The following DYRK1A variants were observed in gnomAD, a reference collection of about 807,000 sequenced individuals.
DYRK1A encodes dual specificity tyrosine-phosphorylation-regulated kinase 1A.
A neutral mutation model predicts 79.7 loss-of-function variants in DYRK1A; 9 were observed. That is an observed-to-expected ratio of 0.11 (90% CI 0.07 to 0.20). The LOEUF (loss-of-function observed/expected upper bound fraction) is 0.20. DYRK1A is among the 10% of genes least tolerant of loss of function. DYRK1A has a pLI of 1.00. For missense variants in DYRK1A, 622 were observed against 956.0 expected (o/e 0.65, Z 4.61); for synonymous variants, 349 against 329.7 (o/e 1.06, Z -0.63).
intron 2 of DYRK1A, among the ~76,000 whole-genome samples, chr21:37,454,085 C>CTTTTTTTTTT (rs571859735): frequency 0.013 from 779 of 59,636 alleles, 113 homozygotes; most frequent in South Asian, 0.019. Flanking sequence ...ATGTAGTCTC[C>CTTTTTTTTTT]TTTTTTTTTT....
chr21:37,493,557 TACTC>T (rs1171367241), intron 8 of DYRK1A, among the ~76,000 whole-genome samples: 1 of 152,216 alleles, frequency 6.6e-6, no homozygotes, highest in Non-Finnish European at 1.5e-5. Flanking sequence ...GACTGATGGA[TACTC>T]AGTCTGAATA....
At chr21:37,380,739 C>T (rs1194618595) in intron 1 of DYRK1A, among the ~76,000 whole-genome samples, 1 of 151,826 alleles carries the variant, frequency 6.6e-6, no homozygotes, top group Non-Finnish European at 1.5e-5. Flanking sequence ...AAAAAAAAAC[C>T]TACACAATTA....
intron 1 of DYRK1A, among the ~76,000 whole-genome samples, chr21:37,374,416 A>T (rs752402086): frequency 2.0e-5 from 3 of 151,328 alleles, no homozygotes. Context: ...CCCTTAAACT[A>T]TGAAATATTA....
chr21:37,486,247 AAG>A (rs561639408), intron 5 of DYRK1A: 116 of 322,196 alleles, frequency 3.6e-4, no homozygotes, highest in East Asian at 1.6e-3. Flanking sequence ...CAAATGCAAA[AAG>A]AAATTCAATT....
At chr21:37,427,602 GT>G (rs975679529) in intron 2 of DYRK1A, among the ~76,000 whole-genome samples, 32 of 152,016 alleles carry the variant, frequency 2.1e-4, no homozygotes, top group African/African-American at 7.7e-4. Context: ...CGTGTTTTTT[GT>G]TTGTTTTTTA....
chr21:37,374,995 C>T (rs2049508651), intron 1 of DYRK1A: 1 of 152,234 alleles, frequency 6.6e-6, no homozygotes, highest in Non-Finnish European at 1.5e-5. Flanking sequence ...TCAGAATAAG[C>T]AGGCCTGGGA....
intron 1 of DYRK1A, among the ~76,000 whole-genome samples, chr21:37,399,669 A>T (rs1276173759): frequency 6.6e-6 from 1 of 152,178 alleles, no homozygotes; most frequent in African/African-American, 2.4e-5. Context: ...GTTGGGTTTC[A>T]CTGAGCATGA....
At chr21:37,450,615 G>A (rs1290360920) in intron 2 of DYRK1A, among the ~76,000 whole-genome samples, 1 of 152,198 alleles carries the variant, frequency 6.6e-6, no homozygotes, top group Non-Finnish European at 1.5e-5. Context: ...GATACAGTTA[G>A]GGTGAAGTGC....
At chr21:37,418,045 G>T (rs991986573) in intron 1 of DYRK1A, among the ~76,000 whole-genome samples, 3 of 152,064 alleles carry the variant, frequency 2.0e-5, no homozygotes, top group African/African-American at 4.8e-5. Context: ...GAAGAAAATC[G>T]TATCTGTAGC....
intron 11 of DYRK1A, 199 bp downstream of exon 11, chr21:37,506,422 C>A (rs1349744470): frequency 2.1e-6 from 3 of 1,459,980 alleles, no homozygotes; most frequent in East Asian, 2.5e-5. Context: ...GTGGCTAACA[C>A]TTATTGGGGG....
intron 1 of DYRK1A, among the ~76,000 whole-genome samples, chr21:37,417,518 T>TTTTTC (rs2050369421): frequency 1.5e-5 from 1 of 67,744 alleles, no homozygotes; most frequent in African/African-American, 6.5e-5. Flanking sequence ...TTTCTTTTTC[T>TTTTTC]TTTTCTTTTT....
chr21:37,423,330 T>G (rs774819512), intron 2 of DYRK1A, among the ~76,000 whole-genome samples: 3 of 152,108 alleles, frequency 2.0e-5, no homozygotes, highest in African/African-American at 4.8e-5. Flanking sequence ...CCCCATTCAG[T>G]CCTCTTAGTA....
At chr21:37,434,111 C>T (rs558657560) in intron 2 of DYRK1A, among the ~76,000 whole-genome samples, 1 of 152,226 alleles carries the variant, frequency 6.6e-6, no homozygotes, top group South Asian at 2.1e-4. Flanking sequence ...AAAGTGGCTT[C>T]AGGAGAAGAG....
chr21:37,393,849 C>A (rs571134220), intron 1 of DYRK1A, among the ~76,000 whole-genome samples: 101 of 152,348 alleles, frequency 6.6e-4, no homozygotes, highest in African/African-American at 2.4e-3. Flanking sequence ...CTCCAGGTGG[C>A]CTTTCCACCT....
intron 1 of DYRK1A, among the ~76,000 whole-genome samples, chr21:37,380,676 G>A (rs1275295806): frequency 2.0e-5 from 3 of 151,716 alleles, no homozygotes; most frequent in Non-Finnish European, 4.4e-5. Context: ...TGAGTGAGCA[G>A]AAATGGAAGA....
At chr21:37,511,813 T>C in intron 11 of DYRK1A, 98 bp from the exon 12 acceptor site, 1 of 1,375,678 alleles carries the variant, frequency 7.3e-7, no homozygotes. Flanking sequence ...TCCCCCTGAT[T>C]AATATGATGC....
At chr21:37,394,548 A>G (rs968676840) in intron 1 of DYRK1A, among the ~76,000 whole-genome samples, 5 of 152,114 alleles carry the variant, frequency 3.3e-5, no homozygotes, top group African/African-American at 1.2e-4. Flanking sequence ...CCATGAGGTG[A>G]GCTTTGGGCA....
chr21:37,409,577 G>A (rs1235950265), intron 1 of DYRK1A, among the ~76,000 whole-genome samples: 4 of 152,132 alleles, frequency 2.6e-5, no homozygotes, highest in African/African-American at 9.7e-5. Flanking sequence ...TACAGTTCAT[G>A]AAAGGGATTT....
chr21:37,441,109 T>G (rs145534979), intron 2 of DYRK1A, among the ~76,000 whole-genome samples: 31 of 152,268 alleles, frequency 2.0e-4, no homozygotes, highest in African/African-American at 5.8e-4. Context: ...ATTTAGTATG[T>G]TCTCTTGGTG....
Sources: allele counts gnomAD v4.1 joint callset (sites outside exome capture counted in the v4.1 genomes callset), GRCh38; gene constraint gnomAD v4.1.1; transcripts MANE v1.5; gene names NCBI Gene and HGNC (gene_info 2026-07-23, HGNC 2026-07-21).